The following RNF168 variants were observed in gnomAD, a reference collection of about 807,000 sequenced individuals.
The protein encoded by RNF168 is E3 ubiquitin-protein ligase RNF168.
RNF168 carries 34 observed loss-of-function variants against 34.9 expected under a neutral mutation model. The observed-to-expected ratio is 0.97, with a 90% CI of 0.74 to 1.30. RNF168 has a LOEUF of 1.30. Ranked by LOEUF, RNF168 falls within the 50% of genes most tolerant of loss-of-function variation. RNF168 has a pLI of 0.00. For synonymous variants in RNF168, 264 were observed against 254.7 expected (o/e 1.04, Z -0.35); for missense variants, 725 against 682.5 (o/e 1.06, Z -0.69).
At chr3:196,481,683 T>G (rs1379197010) in intron 4 of RNF168, among the ~76,000 whole-genome samples, 38 of 15,584 alleles carry the variant, frequency 2.4e-3, no homozygotes, top group African/African-American at 0.02. Flanking sequence ...TTCAGCTGCG[T>G]TTTTTTTTTT....
At chr3:196,502,257 G>A (rs761195295) in intron 1 of RNF168, among the ~76,000 whole-genome samples, 12 of 152,064 alleles carry the variant, frequency 7.9e-5, no homozygotes, top group Non-Finnish European at 1.6e-4. Flanking sequence ...GCATGATTAG[G>A]AGAATCAAGA....
In RNF168 at chr3:196,480,905, G is replaced by A. The variant is rs149652392; in HGVS notation, c.680+2865C>T. ...AGCAATCCTCTCGCCTCAGTCTCCC[G>A]AAGTGCTGGGATTATAGGCATGAGC... On this transcript the variant is annotated intron_variant, in intron 4 of 5. Coordinates refer to ENST00000318037, the MANE Select transcript of RNF168 (RefSeq NM_152617.4). Among the ~76,000 whole-genome samples the A allele has an allele frequency of 2.7e-3, 408 of 152,130 alleles. 2 individuals carry two copies. The highest frequency in any genetic ancestry group is 9.3e-3 in the African/African-American group (384 of 41,506).
intron 4 of RNF168, among the ~76,000 whole-genome samples, chr3:196,483,136 T>C (rs1350673443): frequency 6.6e-6 from 1 of 152,022 alleles, no homozygotes; most frequent in Non-Finnish European, 1.5e-5. Context: ...CATTTAACAT[T>C]CTCTTCTCCT....
In RNF168 at chr3:196,483,652, A is replaced by G. The variant is rs1334723935; in HGVS notation, c.680+118T>C. 3.5e-6 allele frequency: 3 copies of G among 868,860 alleles called. No homozygotes were observed. In the Admixed American group the frequency reaches 5.3e-5, roughly 15 times the overall value. The allele number at this position is 868,860 out of a possible 1,614,324, so 53.8% of individuals were successfully genotyped here. ...CCTTTTCAATTTACCTCAACCTCAG[A>G]CTATTTTCATACAAAGTTCACGGAC... On this transcript the variant is annotated intron_variant, in intron 4 of 5. Transcript: ENST00000318037.
At chr3:196,497,304 A>G (rs905814512) in intron 1 of RNF168, among the ~76,000 whole-genome samples, 4 of 152,186 alleles carry the variant, frequency 2.6e-5, no homozygotes, top group Admixed American at 2.6e-4. Context: ...CCCATATGGG[A>G]AAAAGTTAAC....
chr3:196,500,745 T>A (rs1313766097), intron 1 of RNF168, among the ~76,000 whole-genome samples: 2 of 152,114 alleles, frequency 1.3e-5, no homozygotes, highest in Non-Finnish European at 2.9e-5. Flanking sequence ...GGAGTCTCGC[T>A]CTGTCTCCCA....
Position 196,468,932 on chromosome 3 carries a change from T to C in RNF168, c.*2887A>G, listed in dbSNP as rs1458414752. The C allele has an allele frequency of 2.0e-5, 3 of 152,172 alleles. No homozygotes were observed. Among genetic ancestry groups the C allele is most frequent in the African/African-American group, 7.2e-5 (3 of 41,444 alleles). 9.4% of individuals were successfully genotyped at this position (152,172 alleles called of 1,614,324 possible). ...AGTGACTGATACATTTATTAGTTTCTAACAAAAAGGCATACATGGTAGGCA... is the reference window on the plus strand; with the variant it reads ...AGTGACTGATACATTTATTAGTTTCCAACAAAAAGGCATACATGGTAGGCA... On this transcript the variant is annotated 3_prime_UTR_variant, in exon 6 of 6. Transcript: ENST00000318037.
intron 4 of RNF168, among the ~76,000 whole-genome samples, chr3:196,479,171 C>T (rs1359660779): frequency 2.6e-5 from 4 of 151,116 alleles, no homozygotes; most frequent in Non-Finnish European, 4.4e-5. Context: ...CGCCACCACA[C>T]CCGGCTAATT....
chr3:196,500,482 G>A (rs1011848855), intron 1 of RNF168, among the ~76,000 whole-genome samples: 2 of 152,174 alleles, frequency 1.3e-5, no homozygotes, highest in African/African-American at 2.4e-5. Context: ...AAGGAGAACG[G>A]TGGTTGCCAG....
chr3:196,502,876 C>T lies in RNF168; in HGVS notation c.298G>A (p.Val100Met), dbSNP rs778356047. 2 of 1,613,870 alleles carry T rather than the reference C, an allele frequency of 1.2e-6. No homozygotes were observed. The highest frequency in any genetic ancestry group is 1.7e-5 in the Admixed American group (1 of 60,028). ...AAACACGCCATGGTTTACTCACCCA[C>T]TTCCTCTGATTCTTGGCCAGACGCT... ...LRASGQESEE[V>M]ADDYQPVRLL... Residue 100 changes from valine (V) to methionine (M), a missense_variant, in exon 1 of 6, where the codon GTG becomes ATG. Coordinates refer to ENST00000318037, the MANE Select transcript of RNF168 (RefSeq NM_152617.4).
chr3:196,483,942 T>C (rs1167384657), intron 3 of RNF168, 51 bp from the exon 4 acceptor site: 3 of 1,323,650 alleles, frequency 2.3e-6, no homozygotes, highest in South Asian at 2.4e-5. Context: ...AACTTTATGA[T>C]AAAATAAGCT....
chr3:196,483,817 A>C lies in RNF168; in HGVS notation c.633T>G (p.Ser211=). The C allele has an allele frequency of 6.2e-7, 1 of 1,609,658 alleles. No individual in the cohort carries two copies. The highest frequency in any genetic ancestry group is 8.5e-7 in the Non-Finnish European group (1 of 1,176,018). The change falls in exon 4 of 6, where the codon TCT becomes TCG. Residue 211 remains serine (S), a synonymous_variant. Transcript: ENST00000318037. ...SRKSDPVTPK[S]EKKSKNKQRN... ...TTTGTTTGTTCTTACTTTTCTTTTC[A>C]GACTTGGGTGTAACTGGATCAGATT...
In RNF168 at chr3:196,502,888, C is replaced by T. The variant is rs1158392786; in HGVS notation, c.286G>A (p.Glu96Lys). 1 of 1,614,074 alleles carries T rather than the reference C, an allele frequency of 6.2e-7. No individual in the cohort carries two copies. The highest frequency in any genetic ancestry group is 8.5e-7 in the Non-Finnish European group (1 of 1,179,920). ...RECKLRASGQ[E>K]SEEVADDYQP... is the part of the protein sequence containing the mutation. ...GTTTACTCACCCACTTCCTCTGATT[C>T]TTGGCCAGACGCTCTAAGCTTGCAC... is the stretch of plus-strand genomic sequence containing the variant. Residue 96 changes from glutamate to lysine, a missense_variant, in exon 1 of 6, where the codon GAA becomes AAA. Physicochemically the swap from Glu to Lys is moderately conservative, Grantham distance 56. Coordinates refer to ENST00000318037, the MANE Select transcript of RNF168 (RefSeq NM_152617.4).
rs544525638 is a variant in RNF168 at position 196,496,848 on chromosome 3, G to A, written c.301+6025C>T. 4.9e-4 allele frequency among the ~76,000 whole-genome samples: 75 copies of A among 152,154 alleles called. No homozygotes were observed. The Middle Eastern group carries it at 0.01, about 21-fold the overall frequency. On this transcript the variant is annotated intron_variant, in intron 1 of 5. Coordinates refer to ENST00000318037, the MANE Select transcript of RNF168 (RefSeq NM_152617.4). ...GCAAAACCCCGTCTCTACATACAAA[G>A]AATAAATATACGGAGGACGGGCACG... is the stretch of plus-strand genomic sequence containing the variant.
intron 4 of RNF168, among the ~76,000 whole-genome samples, chr3:196,477,041 C>G (rs370823681): frequency 6.6e-6 from 1 of 152,332 alleles, no homozygotes; most frequent in African/African-American, 2.4e-5. Context: ...AGCCACTGCA[C>G]CTGGTCATAT....
At chr3:196,483,526 T>A (rs538692905) in intron 4 of RNF168, among the ~76,000 whole-genome samples, 1 of 152,348 alleles carries the variant, frequency 6.6e-6, no homozygotes, top group South Asian at 2.1e-4. Flanking sequence ...TGGTTCACTT[T>A]GAGAAAACTG....
At chr3:196,492,684 A>G (rs1732624898) in intron 1 of RNF168, among the ~76,000 whole-genome samples, 1 of 152,170 alleles carries the variant, frequency 6.6e-6, no homozygotes, top group African/African-American at 2.4e-5. Context: ...AGGCTGAGAC[A>G]GGAGAATCGC....
chr3:196,493,729 T>A (rs779545828), intron 1 of RNF168, among the ~76,000 whole-genome samples: 1 of 152,098 alleles, frequency 6.6e-6, no homozygotes, highest in Admixed American at 6.6e-5. Flanking sequence ...GGTTTTACCA[T>A]GTTGGCCAGG....
intron 3 of RNF168, 96 bp downstream of exon 3, chr3:196,487,303 C>G: frequency 9.1e-7 from 1 of 1,096,508 alleles, no homozygotes; most frequent in Non-Finnish European, 1.4e-6. Flanking sequence ...GATGCAGAAC[C>G]TGGAAATACA....
Sources: allele counts gnomAD v4.1 joint callset (sites outside exome capture counted in the v4.1 genomes callset), GRCh38; gene constraint gnomAD v4.1.1; transcripts MANE v1.5; gene names NCBI Gene and HGNC (gene_info 2026-07-23, HGNC 2026-07-21).